DLG1: variants seen among roughly 807,000 people sequenced by gnomAD.
The protein encoded by DLG1 is disks large homolog 1.
Under a neutral mutation model 123.4 loss-of-function variants are expected in DLG1, and 42 were observed. The observed-to-expected ratio is 0.34, with a 90% CI of 0.27 to 0.44. The LOEUF is 0.44. Ranked by LOEUF, DLG1 falls within the 20% of genes least tolerant of loss-of-function variation. The probability of loss-of-function intolerance (pLI) is 1.00; values close to 1 mark genes in which losing one functional copy is unlikely to be tolerated. For synonymous variants in DLG1, 317 were observed against 356.2 expected (o/e 0.89, Z 1.24); for missense variants, 942 against 1,082.6 (o/e 0.87, Z 1.82).
chr3:197,232,751 GAAA>G lies in DLG1; in HGVS notation c.319-38165_319-38163del, dbSNP rs765221376. Among the ~76,000 whole-genome samples, 7 of 132,486 alleles carry G rather than the reference GAAA, an allele frequency of 5.3e-5. No homozygotes were observed. The East Asian group carries it at 6.7e-4, about 13-fold the overall frequency. 86.9% of individuals were successfully genotyped at this position (132,486 alleles called of 152,430 possible). ...TCCTAAAATTACCATCTATCTGGCA[GAAA>G]AAAAAAAAAAACTATGAAAAGCTTC... On this transcript the variant is annotated intron_variant, in intron 4 of 24. Transcript: ENST00000667157.
chr3:197,133,946 T>A (rs1424620353), intron 10 of DLG1, among the ~76,000 whole-genome samples: 1 of 152,192 alleles, frequency 6.6e-6, no homozygotes, highest in African/African-American at 2.4e-5. Context: ...CACTAAAAGT[T>A]GATTTAAGAG....
At chr3:197,131,576 CTTCCT>C (rs1343204658) in intron 10 of DLG1, among the ~76,000 whole-genome samples, 3 of 106,224 alleles carry the variant, frequency 2.8e-5, no homozygotes, top group Non-Finnish European at 4.0e-5. Flanking sequence ...AGTTTTATTT[CTTCCT>C]TTCTTTTTTT....
In DLG1 at chr3:197,115,825, A is replaced by C. The variant is rs930731256; in HGVS notation, c.1443+102T>G. On this transcript the variant is annotated intron_variant, in intron 13 of 24. Coordinates refer to ENST00000667157, the MANE Select transcript of DLG1 (RefSeq NM_001366207.1). ...CTGTAAAATGTTAAGAAGATAACCA[A>C]GATATCCCCATTACTTTAGGATATA... 3.6e-6 allele frequency: 4 copies of C among 1,121,936 alleles called. No individual in the cohort carries two copies. The African/African-American group carries it at 6.5e-5, about 18-fold the overall frequency. 69.5% of individuals were successfully genotyped at this position (1,121,936 alleles called of 1,614,324 possible).
intron 5 of DLG1, chr3:197,183,766 C>T (rs1714044674): frequency 1.6e-5 from 25 of 1,550,308 alleles, no homozygotes; most frequent in African/African-American, 4.1e-5. Context: ...CCTCGACTGC[C>T]GCGAGAGTAT....
intron 18 of DLG1, among the ~76,000 whole-genome samples, chr3:197,072,190 G>T (rs896370145): frequency 1.3e-5 from 2 of 151,646 alleles, no homozygotes; most frequent in African/African-American, 2.4e-5. Flanking sequence ...ATTTTACCAC[G>T]GTTTTTTTTA....
intron 22 of DLG1, among the ~76,000 whole-genome samples, chr3:197,060,292 G>A (rs1290150646): frequency 1.3e-5 from 2 of 152,076 alleles, no homozygotes; most frequent in Admixed American, 1.3e-4. Flanking sequence ...GAGCTCCCCC[G>A]CCGTTCCCTT....
chr3:197,170,836 T>C (rs1052836706), intron 5 of DLG1, among the ~76,000 whole-genome samples: 6 of 152,192 alleles, frequency 3.9e-5, no homozygotes, highest in Admixed American at 1.3e-4. Flanking sequence ...ACTGCCTAGG[T>C]TGTCTTCTTA....
chr3:197,096,933 C>T (rs1198459795), intron 14 of DLG1, among the ~76,000 whole-genome samples: 1 of 152,170 alleles, frequency 6.6e-6, no homozygotes, highest in East Asian at 1.9e-4. Context: ...TAGTTTTCCC[C>T]AACTTTTACA....
At chr3:197,298,281 G>C (rs927593673) in intron 1 of DLG1, 2 of 378,682 alleles carry the variant, frequency 5.3e-6, no homozygotes, top group African/African-American at 4.1e-5. Context: ...CAGGGGAACG[G>C]AAGGGGTACC....
chr3:197,081,185 A>T, intron 16 of DLG1, 68 bp from the exon 17 acceptor site: 1 of 1,444,104 alleles, frequency 6.9e-7, no homozygotes, highest in Non-Finnish European at 9.5e-7. Flanking sequence ...AGAAATAACC[A>T]GAATTGTTAT....
intron 4 of DLG1, among the ~76,000 whole-genome samples, chr3:197,213,016 T>C (rs953374730): frequency 6.6e-6 from 1 of 152,156 alleles, no homozygotes; most frequent in African/African-American, 2.4e-5. Context: ...ACTGCCCAAA[T>C]GTGAAAATAA....
intron 14 of DLG1, among the ~76,000 whole-genome samples, chr3:197,103,683 C>G (rs1442228094): frequency 6.6e-6 from 1 of 150,594 alleles, no homozygotes; most frequent in Non-Finnish European, 1.5e-5. Context: ...ACCTCCCATA[C>G]TTAAGAAAGA....
intron 4 of DLG1, among the ~76,000 whole-genome samples, chr3:197,203,283 T>C (rs1199178141): frequency 6.6e-6 from 1 of 152,042 alleles, no homozygotes; most frequent in African/African-American, 2.4e-5. Flanking sequence ...TAAGTAAAAT[T>C]TGTAAAATCT....
At chr3:197,258,152 A>AT (rs147239349) in intron 4 of DLG1, among the ~76,000 whole-genome samples, 4,237 of 152,114 alleles carry the variant, frequency 0.028, 187 homozygotes, top group African/African-American at 0.093. Flanking sequence ...CCAGAAGAGT[A>AT]TTTTTTTTAA....
chr3:197,271,199 C>A (rs1763787968), intron 4 of DLG1, among the ~76,000 whole-genome samples: 1 of 152,158 alleles, frequency 6.6e-6, no homozygotes, highest in South Asian at 2.1e-4. Context: ...CCTCTCACCC[C>A]CTCACTTGGG....
In DLG1 at chr3:197,282,810, T is replaced by C. The variant is rs1770005803; in HGVS notation, c.187A>G (p.Asn63Asp). The C allele has an allele frequency of 2.5e-6, 4 of 1,597,484 alleles. No homozygotes were observed. Among genetic ancestry groups the C allele is most frequent in the Non-Finnish European group, 3.4e-6 (4 of 1,171,686 alleles). ...QEFYEVTLLD[N>D]PKCIDRSKPS... ...TTTGAACGATCTATACATTTTGGAT[T>C]ATCCAGTAAGGTCACTTCATAAAAT... Residue 63 changes from asparagine to aspartate, a missense_variant, in exon 4 of 25, where the codon AAT becomes GAT. By Grantham distance (23) the Asn-to-Asp change is conservative. Coordinates refer to ENST00000667157, the MANE Select transcript of DLG1 (RefSeq NM_001366207.1).
In DLG1 at chr3:197,296,874, T is replaced by C. The variant is rs1039545446; in HGVS notation, c.19+312A>G. 2.4e-5 allele frequency: 9 copies of C among 373,844 alleles called. No individual in the cohort carries two copies. In the South Asian group the frequency reaches 3.4e-4, roughly 14 times the overall value. 23.2% of individuals were successfully genotyped at this position (373,844 alleles called of 1,614,324 possible). A position where few individuals can be genotyped will look rare whatever the true frequency, so the allele number is the denominator to read the frequency against. On this transcript the variant is annotated intron_variant, in intron 2 of 24. Coordinates refer to ENST00000667157, the MANE Select transcript of DLG1 (RefSeq NM_001366207.1). Reference sequence around the variant, plus strand: ...AATACAAATTCTTAGTATCCCACAGTTGCTTACAGAATAGTGCTTAGTAAG... The same window carrying C: ...AATACAAATTCTTAGTATCCCACAGCTGCTTACAGAATAGTGCTTAGTAAG...
At chr3:197,248,932 T>G (rs1425234595) in intron 4 of DLG1, among the ~76,000 whole-genome samples, 2 of 152,122 alleles carry the variant, frequency 1.3e-5, no homozygotes, top group African/African-American at 4.8e-5. Context: ...GAGTGAGGTA[T>G]GATCACTCCA....
chr3:197,175,441 T>C (rs1806495103), intron 5 of DLG1, among the ~76,000 whole-genome samples: 1 of 152,174 alleles, frequency 6.6e-6, no homozygotes, highest in African/African-American at 2.4e-5. Flanking sequence ...TTCACAATTT[T>C]TTCACAGAAG....
Sources: allele counts gnomAD v4.1 joint callset (sites outside exome capture counted in the v4.1 genomes callset), GRCh38; gene constraint gnomAD v4.1.1; transcripts MANE v1.5; gene names NCBI Gene and HGNC (gene_info 2026-07-23, HGNC 2026-07-21).